The following ZZZ3 variants were observed in gnomAD, a reference collection of about 807,000 sequenced individuals.
The protein encoded by ZZZ3 is zinc finger ZZ-type containing 3, also known as ZZ-type zinc finger-containing protein 3.
In ZZZ3, 22 loss-of-function variants were observed where a neutral mutation model predicts 95.2. That is an observed-to-expected ratio of 0.23 (90% CI 0.17 to 0.33). ZZZ3 has a LOEUF of 0.33. Ranked by LOEUF, ZZZ3 falls within the 10% of genes least tolerant of loss-of-function variation. ZZZ3 has a pLI of 1.00. For missense variants in ZZZ3, 885 were observed against 1,066.5 expected (o/e 0.83, Z 2.37); for synonymous variants, 335 against 358.9 (o/e 0.93, Z 0.75).
chr1:77,610,784 C>T (rs1475073896), intron 5 of ZZZ3, among the ~76,000 whole-genome samples: 1 of 151,344 alleles, frequency 6.6e-6, no homozygotes, highest in Non-Finnish European at 1.5e-5. Context: ...AAAAAACTCT[C>T]AACAAATTAA....
At chr1:77,566,857 G>C (rs192241602) in intron 13 of ZZZ3, among the ~76,000 whole-genome samples, 1 of 152,270 alleles carries the variant, frequency 6.6e-6, no homozygotes, top group East Asian at 1.9e-4. Flanking sequence ...GAAATCAAAG[G>C]ATCTATCATT....
chr1:77,573,579 T>C (rs1661630462), intron 12 of ZZZ3, among the ~76,000 whole-genome samples: 2 of 152,198 alleles, frequency 1.3e-5, no homozygotes, highest in Admixed American at 6.5e-5. Context: ...TAAATAAATA[T>C]TTCTCAGATG....
intron 1 of ZZZ3, among the ~76,000 whole-genome samples, chr1:77,657,576 A>G (rs912576050): frequency 6.6e-6 from 1 of 152,214 alleles, no homozygotes; most frequent in East Asian, 1.9e-4. Flanking sequence ...CATGTCCGCA[A>G]ATGACTGCGA....
intron 1 of ZZZ3, among the ~76,000 whole-genome samples, chr1:77,652,813 C>T (rs1415874240): frequency 1.3e-5 from 2 of 152,012 alleles, no homozygotes; most frequent in Admixed American, 6.6e-5. Flanking sequence ...CATGGATGAA[C>T]CTTAAAAACA....
intron 5 of ZZZ3, among the ~76,000 whole-genome samples, chr1:77,609,918 G>A (rs953235702): frequency 1.3e-5 from 2 of 151,896 alleles, no homozygotes; most frequent in African/African-American, 4.8e-5. Flanking sequence ...ATAGGTATCA[G>A]TGCCAACATA....
intron 5 of ZZZ3, among the ~76,000 whole-genome samples, chr1:77,592,724 A>C (rs1352845763): frequency 1.3e-5 from 2 of 152,224 alleles, no homozygotes; most frequent in Non-Finnish European, 2.9e-5. Context: ...GTAGCTTCTA[A>C]AAGGAAGCAA....
intron 6 of ZZZ3, among the ~76,000 whole-genome samples, chr1:77,584,037 C>T (rs1662809152): frequency 6.6e-6 from 1 of 152,180 alleles, no homozygotes; most frequent in Non-Finnish European, 1.5e-5. Context: ...ATGGACTTGG[C>T]TATCGTAACT....
At chr1:77,591,473 C>T (rs559507709) in intron 5 of ZZZ3, among the ~76,000 whole-genome samples, 1 of 152,272 alleles carries the variant, frequency 6.6e-6, no homozygotes, top group African/African-American at 2.4e-5. Flanking sequence ...TCCCAAGTAG[C>T]TGGGACTACA....
intron 12 of ZZZ3, among the ~76,000 whole-genome samples, chr1:77,572,749 A>G (rs539490086): frequency 6.6e-6 from 1 of 151,806 alleles, no homozygotes; most frequent in East Asian, 1.9e-4. Context: ...TGATCCTCCC[A>G]TCTCAGCCTC....
At chr1:77,581,297 CT>C (rs1662495981) in intron 8 of ZZZ3, among the ~76,000 whole-genome samples, 1 of 151,776 alleles carries the variant, frequency 6.6e-6, no homozygotes. Context: ...CATAATAGTA[CT>C]GTAACTTCAT....
At chr1:77,602,279 G>A (rs968007529) in intron 5 of ZZZ3, among the ~76,000 whole-genome samples, 4 of 152,184 alleles carry the variant, frequency 2.6e-5, no homozygotes, top group African/African-American at 9.7e-5. Flanking sequence ...GTATAGGTAA[G>A]GGGAAATACA....
chr1:77,629,442 C>A (rs1667599514), intron 5 of ZZZ3, among the ~76,000 whole-genome samples: 1 of 152,094 alleles, frequency 6.6e-6, no homozygotes, highest in Non-Finnish European at 1.5e-5. Context: ...ACATGGCGAA[C>A]CCCTGTCTCA....
chr1:77,673,360 G>A (rs956809015), intron 1 of ZZZ3, among the ~76,000 whole-genome samples: 1 of 152,252 alleles, frequency 6.6e-6, no homozygotes, highest in Non-Finnish European at 1.5e-5. Context: ...ACTTTGGGAG[G>A]CTGAGGAGGG....
rs539878260 is a variant in ZZZ3 at position 77,625,905 on chromosome 1, G to A, written c.1505+5945C>T. On this transcript the variant is annotated intron_variant, in intron 5 of 14. Coordinates refer to ENST00000370801, the MANE Select transcript of ZZZ3 (RefSeq NM_015534.6). Reference sequence around the variant, plus strand: ...CCAGCTACTCAGGAGGCTGAGGCAGGAGAATCACTTGAACCTGGGAGGCAG... The same window carrying A: ...CCAGCTACTCAGGAGGCTGAGGCAGAAGAATCACTTGAACCTGGGAGGCAG... Among the ~76,000 whole-genome samples, 3 of 152,010 alleles carry A rather than the reference G, an allele frequency of 2.0e-5. No homozygotes were observed. In the South Asian group the frequency reaches 6.2e-4, roughly 32 times the overall value.
chr1:77,572,926 G>A (rs1449076749), intron 12 of ZZZ3, among the ~76,000 whole-genome samples: 1 of 151,868 alleles, frequency 6.6e-6, no homozygotes, highest in Non-Finnish European at 1.5e-5. Context: ...GATTACAGCT[G>A]TGAGCCACCA....
intron 5 of ZZZ3, among the ~76,000 whole-genome samples, chr1:77,606,592 A>C (rs1665258936): frequency 6.6e-6 from 1 of 152,232 alleles, no homozygotes; most frequent in Non-Finnish European, 1.5e-5. Context: ...TGGTGGCCAC[A>C]GGGGTGCTTG....
intron 4 of ZZZ3, among the ~76,000 whole-genome samples, chr1:77,636,280 T>C (rs948443208): frequency 1.8e-4 from 28 of 152,338 alleles, no homozygotes; most frequent in African/African-American, 6.3e-4. Context: ...CTTAACCTTT[T>C]CTTTCCACAC....
chr1:77,588,001 G>A (rs1324030668), intron 5 of ZZZ3, among the ~76,000 whole-genome samples: 2 of 152,176 alleles, frequency 1.3e-5, no homozygotes, highest in Non-Finnish European at 2.9e-5. Flanking sequence ...TAAAGTACAT[G>A]TAACAGACAA....
At chr1:77,570,564 G>C (rs1661278110) in intron 12 of ZZZ3, among the ~76,000 whole-genome samples, 1 of 151,930 alleles carries the variant, frequency 6.6e-6, no homozygotes, top group African/African-American at 2.4e-5. Context: ...ACAGCATCAA[G>C]TCCAAAGTCT....
Sources: allele counts gnomAD v4.1 joint callset (sites outside exome capture counted in the v4.1 genomes callset), GRCh38; gene constraint gnomAD v4.1.1; transcripts MANE v1.5; gene names NCBI Gene and HGNC (gene_info 2026-07-23, HGNC 2026-07-21).